The following NALCN variants were observed in gnomAD, a reference collection of about 807,000 sequenced individuals.
NALCN encodes the protein sodium leak channel, non-selective, also known as sodium leak channel NALCN.
NALCN carries 111 observed loss-of-function variants against 225.3 expected under a neutral mutation model. The ratio of observed to expected loss-of-function variants is 0.49; its 90% CI spans 0.42 to 0.58. The LOEUF is 0.58. NALCN is among the 20% of genes least tolerant of loss of function. NALCN has a pLI of 0.00. For missense variants in NALCN, 1,378 were observed against 2,202.4 expected, an observed-to-expected ratio of 0.63 and a Z score of 7.49; for synonymous variants, 764 against 769.0, an observed-to-expected ratio of 0.99 and a Z score of 0.11.
chr13:101,403,770 C>G (rs61973736), intron 1 of NALCN, among the ~76,000 whole-genome samples: 10,188 of 152,172 alleles, frequency 0.067, 419 homozygotes, highest in Non-Finnish European at 0.093. Flanking sequence ...TATCAACCGC[C>G]CTATTGCAGA....
At chr13:101,297,302 G>T (rs544810) in intron 7 of NALCN, among the ~76,000 whole-genome samples, 21,986 of 152,232 alleles carry the variant, frequency 0.14, 1,924 homozygotes, top group African/African-American at 0.25. Flanking sequence ...CATGACAGAA[G>T]TTGGGAAGTT....
At chr13:101,398,800 G>A (rs939502816) in intron 2 of NALCN, among the ~76,000 whole-genome samples, 5 of 152,050 alleles carry the variant, frequency 3.3e-5, no homozygotes, top group Non-Finnish European at 5.9e-5. Flanking sequence ...CGTGGGGAGG[G>A]GAGGGGATCA....
chr13:101,166,684 G>A (rs2139892388), intron 15 of NALCN, among the ~76,000 whole-genome samples: 1 of 152,114 alleles, frequency 6.6e-6, no homozygotes, highest in South Asian at 2.1e-4. Flanking sequence ...CCCATAGGTT[G>A]GCTTTTCACT....
chr13:101,156,097 C>T (rs2037887769), intron 15 of NALCN, among the ~76,000 whole-genome samples: 1 of 152,128 alleles, frequency 6.6e-6, no homozygotes, highest in Non-Finnish European at 1.5e-5. Flanking sequence ...CATTTCATTG[C>T]TCAAAGTCTT....
At chr13:101,319,382 G>C (rs1289918038) in intron 7 of NALCN, among the ~76,000 whole-genome samples, 2 of 152,124 alleles carry the variant, frequency 1.3e-5, no homozygotes, top group Non-Finnish European at 2.9e-5. Flanking sequence ...GCACTGATTT[G>C]ACTCAACCAC....
At chr13:101,319,582 A>AT (rs1226197734) in intron 7 of NALCN, among the ~76,000 whole-genome samples, 3 of 152,082 alleles carry the variant, frequency 2.0e-5, no homozygotes, top group Non-Finnish European at 4.4e-5. Context: ...TTTTGAAGTG[A>AT]TTTTTTTGGT....
intron 13 of NALCN, among the ~76,000 whole-genome samples, chr13:101,207,972 T>A (rs747885049): frequency 4.5e-4 from 65 of 144,600 alleles, no homozygotes; most frequent in Non-Finnish European, 8.1e-4. Context: ...CCGGAAGGAA[T>A]GAACAACTCC....
rs560374601 is a variant in NALCN at position 101,099,395 on chromosome 13, A to C, written c.3162+1389T>G. On this transcript the variant is annotated intron_variant, in intron 27 of 43. Coordinates refer to ENST00000251127, the MANE Select transcript of NALCN (RefSeq NM_052867.4). The stretch of plus-strand genomic sequence containing the variant: ...AAAGATGTTACCTGTATTTTGTCAC[A>C]ATTAGAGAACAATTTGTATCATTTA... Among the ~76,000 whole-genome samples, 24 of 152,138 alleles carry C rather than the reference A, an allele frequency of 1.6e-4. No individual in the cohort carries two copies. The East Asian group carries it at 4.6e-3, about 29-fold the overall frequency.
At chr13:101,174,145 G>A (rs532653103) in intron 15 of NALCN, among the ~76,000 whole-genome samples, 46 of 152,278 alleles carry the variant, frequency 3.0e-4, no homozygotes, top group Non-Finnish European at 5.6e-4. Context: ...GGTTCAACGA[G>A]TTTCAAGTAT....
chr13:101,298,185 G>A (rs1215059131), intron 7 of NALCN, among the ~76,000 whole-genome samples: 1 of 152,124 alleles, frequency 6.6e-6, no homozygotes, highest in Non-Finnish European at 1.5e-5. Context: ...CCTGAATGGT[G>A]GTCAAATAAG....
chr13:101,337,320 A>T lies in NALCN; in HGVS notation c.799+7946T>A, dbSNP rs1027498129. ...TATTTATTTATTTATTTATTTATTTATTTTTTGAGACAGAGTCTTGCTCTG... is the reference window on the plus strand; with the variant it reads ...TATTTATTTATTTATTTATTTATTTTTTTTTTGAGACAGAGTCTTGCTCTG... On this transcript the variant is annotated intron_variant, in intron 7 of 43. Transcript: ENST00000251127. Among the ~76,000 whole-genome samples, 423 of 135,432 alleles carry T rather than the reference A, an allele frequency of 3.1e-3. 3 individuals are homozygous for T. Among genetic ancestry groups the T allele is most frequent in the African/African-American group, 0.01 (388 of 38,580 alleles). The allele number at this position is 135,432 out of a possible 152,430, so 88.8% of individuals were successfully genotyped here.
chr13:101,269,267 G>A (rs914471957), intron 10 of NALCN, among the ~76,000 whole-genome samples: 1 of 150,280 alleles, frequency 6.7e-6, no homozygotes, highest in African/African-American at 2.4e-5. Flanking sequence ...CTAAGCTTCA[G>A]TACTCAGTTC....
intron 18 of NALCN, among the ~76,000 whole-genome samples, chr13:101,114,258 G>C (rs997775292): frequency 2.6e-5 from 4 of 152,152 alleles, no homozygotes; most frequent in African/African-American, 9.7e-5. Flanking sequence ...GAACAATAAT[G>C]CCTTTCCTTC....
In NALCN at chr13:101,254,718, C is replaced by T. The variant is rs1434671925; in HGVS notation, c.1266+3725G>A. 2.1e-5 allele frequency among the ~76,000 whole-genome samples: 2 copies of T among 96,862 alleles called. 1 individual carries two copies. The highest frequency in any genetic ancestry group is 6.5e-5 in the African/African-American group (2 of 30,860). 63.5% of individuals were successfully genotyped at this position (96,862 alleles called of 152,430 possible). A position where few individuals can be genotyped will look rare whatever the true frequency, so the allele number is the denominator to read the frequency against. On this transcript the variant is annotated intron_variant, in intron 11 of 43. Transcript: ENST00000251127. The stretch of plus-strand genomic sequence containing the variant: ...CATCCCGGCTAAAACGGTGAAACCC[C>T]GTCTCTACTAAAAATACAAAAAATT...
chr13:101,273,746 G>A (rs1030324891), intron 10 of NALCN, among the ~76,000 whole-genome samples: 2 of 151,734 alleles, frequency 1.3e-5, no homozygotes, highest in African/African-American at 4.8e-5. Context: ...TTAGCCGGGC[G>A]TGGTGGCAGG....
chr13:101,270,854 G>C (rs528300620), intron 10 of NALCN, among the ~76,000 whole-genome samples: 2 of 152,292 alleles, frequency 1.3e-5, no homozygotes, highest in South Asian at 4.1e-4. Context: ...ATCAAGACTT[G>C]CAAAACCAAA....
At chr13:101,298,327 A>AT (rs67572044) in intron 7 of NALCN, among the ~76,000 whole-genome samples, 84,503 of 148,100 alleles carry the variant, frequency 0.57, 24,822 homozygotes, top group East Asian at 0.93. Context: ...ATCTCCAGCT[A>AT]TTTTTTTTTT....
At chr13:101,063,930 T>C (rs943060405) in intron 40 of NALCN, among the ~76,000 whole-genome samples, 2 of 152,190 alleles carry the variant, frequency 1.3e-5, no homozygotes, top group Non-Finnish European at 2.9e-5. Context: ...CTTGAAATAA[T>C]GCTTTAAATG....
chr13:101,077,188 G>A (rs1332660780), intron 34 of NALCN, among the ~76,000 whole-genome samples: 2 of 152,206 alleles, frequency 1.3e-5, no homozygotes, highest in Non-Finnish European at 2.9e-5. Context: ...GCAGAACTGT[G>A]AGTCAATTAA....
Sources: allele counts gnomAD v4.1 joint callset (sites outside exome capture counted in the v4.1 genomes callset), GRCh38; gene constraint gnomAD v4.1.1; transcripts MANE v1.5; gene names NCBI Gene and HGNC (gene_info 2026-07-23, HGNC 2026-07-21).